C10orf90: variants seen among roughly 807,000 people sequenced by gnomAD.
C10orf90 encodes the protein (E2-independent) E3 ubiquitin-conjugating enzyme FATS.
Under a neutral mutation model 62.5 loss-of-function variants are expected in C10orf90, and 56 were observed. The ratio of observed to expected loss-of-function variants is 0.90; its 90% CI spans 0.72 to 1.12. The LOEUF (loss-of-function observed/expected upper bound fraction) is 1.12, where lower values mean the gene tolerates loss of function less well. C10orf90 is among the 50% of genes most tolerant of loss of function. The pLI, the probability that C10orf90 is intolerant of heterozygous loss-of-function variation, is 0.00. For synonymous variants in C10orf90, 386 were observed against 340.4 expected (o/e 1.13, Z -1.47); for missense variants, 970 against 880.4 (o/e 1.10, Z -1.29).
rs1418499016 is a variant in C10orf90, at chr10:126,505,080, G to C, written c.411C>G (p.Thr137=). 1.2e-6 allele frequency: 2 copies of C among 1,602,848 alleles called. No individual in the cohort carries two copies. Among genetic ancestry groups the C allele is most frequent in the Non-Finnish European group, 1.7e-6 (2 of 1,173,662 alleles). The change falls in exon 4 of 10, where the codon ACC becomes ACG. Residue 137 remains threonine, a synonymous_variant. Coordinates refer to ENST00000488181, the MANE Select transcript of C10orf90 (RefSeq NM_001350921.2). ...TCATTTTTGTGTTTTGTGATGCCAG[G>C]GTCTCCTGCAAATAGAAAAAGATCC... is the stretch of plus-strand genomic sequence containing the variant. The part of the protein sequence containing the change: ...TEAKSDFTKE[T]LASQNTKMIS...
chr10:126,528,820 G>A (rs1242978290), intron 2 of C10orf90, among the ~76,000 whole-genome samples: 1 of 152,200 alleles, frequency 6.6e-6, no homozygotes, highest in African/African-American at 2.4e-5. Context: ...GACAACAGCA[G>A]CCCCTTTGTA....
intron 1 of C10orf90, among the ~76,000 whole-genome samples, chr10:126,648,183 A>T (rs545789878): frequency 6.6e-6 from 1 of 152,068 alleles, no homozygotes; most frequent in African/African-American, 2.4e-5. Context: ...TTAATCAGGA[A>T]CATCTTGGAA....
rs11245014 is a variant in C10orf90 at position 126,519,347 on chromosome 10, A to C, written c.314-5408T>G. Among the ~76,000 whole-genome samples the C allele has an allele frequency of 3.9e-4, 60 of 152,360 alleles. 1 individual carries two copies. In the East Asian group the frequency reaches 0.011, roughly 27 times the overall value. On this transcript the variant is annotated intron_variant, in intron 2 of 9. Transcript: ENST00000488181. The stretch of plus-strand genomic sequence containing the variant: ...ATGTCTAATTCCAATCTGTTGCCCA[A>C]TACCGCTTGGCTTATCTCTACAAAA...
At chr10:126,628,933 G>T (rs992442981) in intron 2 of C10orf90, among the ~76,000 whole-genome samples, 2 of 152,188 alleles carry the variant, frequency 1.3e-5, no homozygotes, top group Non-Finnish European at 2.9e-5. Flanking sequence ...GGTGCCCACC[G>T]CTGTGTAGAC....
intron 4 of C10orf90, among the ~76,000 whole-genome samples, chr10:126,501,873 G>A (rs1444675146): frequency 6.6e-6 from 1 of 151,630 alleles, no homozygotes; most frequent in Non-Finnish European, 1.5e-5. Flanking sequence ...AGTACGCAAA[G>A]GCATACAGAG....
At chr10:126,577,442 A>C (rs1423856265) in intron 2 of C10orf90, among the ~76,000 whole-genome samples, 1 of 152,068 alleles carries the variant, frequency 6.6e-6, no homozygotes, top group Non-Finnish European at 1.5e-5. Flanking sequence ...TAACATTTAG[A>C]AATCAAAAAC....
At chr10:126,621,101 T>C (rs1845635354) in intron 2 of C10orf90, among the ~76,000 whole-genome samples, 1 of 152,242 alleles carries the variant, frequency 6.6e-6, no homozygotes. Context: ...TTTTGATTTT[T>C]CTTAGAATAG....
intron 4 of C10orf90, among the ~76,000 whole-genome samples, chr10:126,502,037 CCACACACCCACACCACACACACGCACA>C (rs1426356008): frequency 7.1e-6 from 1 of 141,218 alleles, no homozygotes. Context: ...CACCACACAA[CCACACACCCACACCACACACACGCACA>C]CACACACCAC....
chr10:126,544,309 T>G (rs988660967), intron 2 of C10orf90, among the ~76,000 whole-genome samples: 1 of 152,144 alleles, frequency 6.6e-6, no homozygotes, highest in Non-Finnish European at 1.5e-5. Context: ...CTGTACCCTT[T>G]GGGTCCTACC....
chr10:126,603,269 G>A (rs890837579), intron 2 of C10orf90, among the ~76,000 whole-genome samples: 14 of 152,136 alleles, frequency 9.2e-5, no homozygotes, highest in African/African-American at 1.9e-4. Context: ...GGCAGAAGGC[G>A]AAGCAAACAT....
intron 2 of C10orf90, among the ~76,000 whole-genome samples, chr10:126,543,929 C>T (rs555048306): frequency 4.6e-5 from 7 of 152,218 alleles, no homozygotes; most frequent in South Asian, 2.1e-4. Flanking sequence ...ATACCAGGGT[C>T]GCGGTGACAT....
At chr10:126,552,632 C>T (rs962174765) in intron 2 of C10orf90, among the ~76,000 whole-genome samples, 1 of 152,242 alleles carries the variant, frequency 6.6e-6, no homozygotes, top group Non-Finnish European at 1.5e-5. Context: ...GCAGCCCGAT[C>T]GTGTGGCTCA....
chr10:126,511,363 G>A (rs950114276), intron 3 of C10orf90, among the ~76,000 whole-genome samples: 1 of 152,098 alleles, frequency 6.6e-6, no homozygotes, highest in Non-Finnish European at 1.5e-5. Flanking sequence ...TTAACTTGTG[G>A]TAAGATATAC....
Position 126,576,738 on chromosome 10 carries a change from ATG to A in C10orf90, c.314-62801_314-62800del, listed in dbSNP as rs1361223441. Among the ~76,000 whole-genome samples the A allele has an allele frequency of 5.0e-3, 303 of 60,924 alleles. 7 individuals carry two copies. The highest frequency in any genetic ancestry group is 0.016 in the African/African-American group (228 of 13,840). 40.0% of individuals were successfully genotyped at this position (60,924 alleles called of 152,430 possible). A position where few individuals can be genotyped will look rare whatever the true frequency, so the allele number is the denominator to read the frequency against. ...ATACAAGATATACATATATATGTAT[ATG>A]TATATATACATATAGATAATATGTA... On this transcript the variant is annotated intron_variant, in intron 2 of 9. Coordinates refer to ENST00000488181, the MANE Select transcript of C10orf90 (RefSeq NM_001350921.2).
At chr10:126,489,075 A>G (rs1861583588) in intron 4 of C10orf90, among the ~76,000 whole-genome samples, 1 of 152,160 alleles carries the variant, frequency 6.6e-6, no homozygotes, top group African/African-American at 2.4e-5. Context: ...ATTTTTAAAA[A>G]GAAAACAACA....
intron 5 of C10orf90, among the ~76,000 whole-genome samples, chr10:126,461,856 C>A (rs1007094194): frequency 1.3e-5 from 2 of 152,160 alleles, no homozygotes; most frequent in Non-Finnish European, 2.9e-5. Context: ...GATGGCTTTG[C>A]TCAAAATGAA....
rs1035815306 is a variant in C10orf90, at chr10:126,456,478, C to G, written c.2188+2562G>C. ...GAGCCTGGTTACCTTTTATTACATA[C>G]AATTTTAAGACTTCCATTTAAAAGA... On this transcript the variant is annotated intron_variant, in intron 7 of 9. Transcript: ENST00000488181. The surrounding 1 kb of genome is among the most constrained non-coding windows in gnomAD (Gnocchi z 4.9). 6.6e-6 allele frequency among the ~76,000 whole-genome samples: 1 copy of G among 152,120 alleles called. No individual in the cohort carries two copies. Among genetic ancestry groups the G allele is most frequent in the Non-Finnish European group, 1.5e-5 (1 of 68,028 alleles).
chr10:126,649,118 C>T (rs1158664558), intron 1 of C10orf90, among the ~76,000 whole-genome samples: 1 of 143,818 alleles, frequency 7.0e-6, no homozygotes, highest in Non-Finnish European at 1.5e-5. Context: ...AACTAAGACC[C>T]ACAGCGTTCT....
chr10:126,527,863 G>A (rs2133951247), intron 2 of C10orf90, among the ~76,000 whole-genome samples: 1 of 152,308 alleles, frequency 6.6e-6, no homozygotes, highest in South Asian at 2.1e-4. Flanking sequence ...CATTGGTCCA[G>A]GTATCAAAGT....
Sources: gnomAD v4.1 joint callset for allele counts (sites outside exome capture counted in the v4.1 genomes callset) on GRCh38, gnomAD v4.1.1 for gene constraint, Gnocchi (gnomAD v3.1) non-coding constraint, MANE v1.5 for transcripts, NCBI Gene and HGNC (gene_info 2026-07-23, HGNC 2026-07-21) for gene names.